The following NLRP7 variants were observed in gnomAD, a reference collection of about 807,000 sequenced individuals.
The protein encoded by NLRP7 is NACHT, LRR and PYD domains-containing protein 7.
In NLRP7, 72 loss-of-function variants were observed where a neutral mutation model predicts 85.5. That is an observed-to-expected ratio of 0.84 (90% CI 0.70 to 1.02). The LOEUF (loss-of-function observed/expected upper bound fraction) is 1.02. NLRP7 is among the 50% of genes least tolerant of loss of function. NLRP7 has a pLI of 0.00. For synonymous variants in NLRP7, 550 were observed against 505.2 expected (o/e 1.09, Z -1.19); for missense variants, 1,243 against 1,219.5 (o/e 1.02, Z -0.29).
Position 54,939,828 on chromosome 19 carries a change from C to A in NLRP7, c.991G>T (p.Ala331Ser), listed in dbSNP as rs761514358. Residue 331 changes from alanine (A) to serine (S), a missense_variant, in exon 4 of 10, where the codon GCC becomes TCC. Physicochemically the swap from Ala to Ser is moderately conservative, Grantham distance 99 (BLOSUM62 1). This residue lies in a region of NLRP7 where 591 missense variants were observed against 563.3 expected (regional missense o/e 1.05). Transcript: ENST00000340844. ...TCTCCAAAGTGTCTCAGGAAATAGG[C>A]CCTCCTGTCCTCCTCCAGGAAGCCC... The A allele has an allele frequency of 3.7e-6, 6 of 1,613,992 alleles. No individual in the cohort carries two copies. The Admixed American group carries it at 1.0e-4, about 27-fold the overall frequency.
At chr19:54,939,841 C>A in exon 4 of NLRP7, 1 of 1,614,054 alleles carries the variant, frequency 6.2e-7, no homozygotes, top group Non-Finnish European at 8.5e-7. Flanking sequence ...TCCTGTCCTC[C>A]TCCAGGAAGC....
At chr19:54,943,951 T>A (rs1416356300) in intron 1 of NLRP7, among the ~76,000 whole-genome samples, 1 of 152,118 alleles carries the variant, frequency 6.6e-6, no homozygotes, top group Non-Finnish European at 1.5e-5. Context: ...AACAGATGCT[T>A]GAAGGCAGCA....
Position 54,939,543 on chromosome 19 carries a change from G to A in NLRP7, c.1276C>T (p.Gln426Ter), listed in dbSNP as rs748114704. The change falls in exon 4 of 10, where the codon CAG becomes TAG. Residue 426 changes from glutamine (Q) to a stop codon, truncating the protein, a stop_gained. Transcript: ENST00000340844. LOFTEE classifies it high-confidence loss of function. ...TCCTCTCGGTGGAACACGGACATCT[G>A]CGCCCACAGGCCCTGCGCGGCCAGG... 2 of 1,613,030 alleles carry A rather than the reference G, an allele frequency of 1.2e-6. No individual in the cohort carries two copies. Among genetic ancestry groups the A allele is most frequent in the Non-Finnish European group, 1.7e-6 (2 of 1,179,736 alleles).
At chr19:54,958,077 T>C (rs939717867) in intron 1 of NLRP7, among the ~76,000 whole-genome samples, 5 of 151,920 alleles carry the variant, frequency 3.3e-5, no homozygotes, top group African/African-American at 1.2e-4. Context: ...TAGCTTGGTA[T>C]GGTGGCAGGA....
chr19:54,954,567 G>A (rs113963947), intron 1 of NLRP7, among the ~76,000 whole-genome samples: 12,567 of 147,332 alleles, frequency 0.085, 603 homozygotes, highest in Middle Eastern at 0.11. Context: ...AACCGAGGCC[G>A]GACGTGGTGG....
chr19:54,941,809 T>C, intron 1 of NLRP7, 59 bp from the exon 2 acceptor site: 1 of 1,279,296 alleles, frequency 7.8e-7, no homozygotes, highest in South Asian at 1.5e-5. Flanking sequence ...AAACCACAGT[T>C]TCCTGTGTGC....
At chr19:54,944,575 A>T (rs2069384397) in intron 1 of NLRP7, among the ~76,000 whole-genome samples, 1 of 151,900 alleles carries the variant, frequency 6.6e-6, no homozygotes, top group African/African-American at 2.4e-5. Context: ...CTTTCTGTGT[A>T]CTTTGTCTCT....
chr19:54,955,968 A>AAAAT lies in NLRP7; in HGVS notation c.-76-8467_-76-8464dup, dbSNP rs138037990. On this transcript the variant is annotated intron_variant, in intron 1 of 2. Transcript: ENST00000587103. ...GATGACAGAGCAAGACTGTGTCTCA[A>AAAAT]AAATAAATAAATAAATAAATAAATA... Among the ~76,000 whole-genome samples, 310 of 151,804 alleles carry AAAAT rather than the reference A, an allele frequency of 2.0e-3. 1 individual carries two copies. Among genetic ancestry groups the AAAAT allele is most frequent in the African/African-American group, 5.5e-3 (226 of 41,364 alleles).
At chr19:54,950,833 T>G (rs1363860283), upstream of NLRP7, among the ~76,000 whole-genome samples, 4 of 152,194 alleles carry the variant, frequency 2.6e-5, no homozygotes, top group African/African-American at 7.2e-5. Context: ...GACCCTTTAC[T>G]GGTGTCGGGC....
chr19:54,930,664 A>C lies in NLRP7; in HGVS notation c.2645T>G (p.Leu882Ter). ...AAGCTTGGTTATGCTGCATTGCTGT[A>C]ACCTACAGGATAATCAAAGGAAGAG... is the stretch of plus-strand genomic sequence containing the variant. Residue 882 changes from leucine to a stop codon, truncating the protein, a stop_gained and splice_region_variant, in exon 9 of 10, where the codon TTA becomes TGA. Transcript: ENST00000340844. LOFTEE classifies it high-confidence loss of function. 1.2e-6 allele frequency: 2 copies of C among 1,613,294 alleles called. No individual in the cohort carries two copies. Among genetic ancestry groups the C allele is most frequent in the Non-Finnish European group, 1.7e-6 (2 of 1,179,332 alleles).
upstream of NLRP7, chr19:54,947,640 C>T: frequency 1.6e-6 from 2 of 1,289,446 alleles, no homozygotes; most frequent in Non-Finnish European, 2.0e-6. Flanking sequence ...ACCTCAGGCT[C>T]ACCTTGACAT....
intron 9 of NLRP7, among the ~76,000 whole-genome samples, chr19:54,927,088 A>G (rs1003479197): frequency 1.5e-5 from 2 of 137,826 alleles, no homozygotes; most frequent in Non-Finnish European, 3.2e-5. Context: ...ACTCCATCCC[A>G]AAAAGCAAAA....
At chr19:54,924,014 C>G (rs2068331206) in intron 9 of NLRP7, 142 bp from the exon 11 acceptor site, 1 of 896,420 alleles carries the variant, frequency 1.1e-6, no homozygotes, top group African/African-American at 1.7e-5. Context: ...GTTGCCCAGG[C>G]TGGGGTACAG....
At chr19:54,959,824 T>C (rs2069978803) in intron 1 of NLRP7, among the ~76,000 whole-genome samples, 1 of 151,928 alleles carries the variant, frequency 6.6e-6, no homozygotes, top group Non-Finnish European at 1.5e-5. Context: ...CAGCTTCATT[T>C]TACCCAACTG....
At chr19:54,940,281 C>T (rs771141227) in exon 4 of NLRP7, 36 of 1,613,982 alleles carry the variant, frequency 2.2e-5, no homozygotes, top group South Asian at 9.9e-5. Flanking sequence ...CCCACGCCTG[C>T]GGGGCCGTGC....
Position 54,933,749 on chromosome 19 carries a change from T to C in NLRP7, c.2472-10A>G, listed in dbSNP as rs2068774152. The C allele has an allele frequency of 1.2e-6, 2 of 1,612,860 alleles. No homozygotes were observed. Among genetic ancestry groups the C allele is most frequent in the East Asian group, 2.2e-5 (1 of 44,868 alleles). ...ACGACAGTTTTCCAACCTGCAAAAATATGAAACAAATGGTAGAAGGATGAG... is the reference window on the plus strand; with the variant it reads ...ACGACAGTTTTCCAACCTGCAAAAACATGAAACAAATGGTAGAAGGATGAG... On this transcript the variant is annotated splice_polypyrimidine_tract_variant and intron_variant, in intron 7 of 9. Transcript: ENST00000340844.
Position 54,958,407 on chromosome 19 carries a change from C to T in NLRP7, c.-77+7633G>A, listed in dbSNP as rs146346975. ...CTCTAATCCCAGCACTTTGGGACGCCGAGGTGGGCGAATCACAAGGTCAGG... is the reference window on the plus strand; with the variant it reads ...CTCTAATCCCAGCACTTTGGGACGCTGAGGTGGGCGAATCACAAGGTCAGG... On this transcript the variant is annotated intron_variant, in intron 1 of 2. Transcript: ENST00000587103. Among the ~76,000 whole-genome samples, 780 of 149,828 alleles carry T rather than the reference C, an allele frequency of 5.2e-3. 6 individuals carry two copies. Among genetic ancestry groups the T allele is most frequent in the African/African-American group, 0.019 (751 of 39,992 alleles).
intron 1 of NLRP7, among the ~76,000 whole-genome samples, chr19:54,962,488 C>G (rs2070079625): frequency 6.6e-6 from 1 of 151,530 alleles, no homozygotes; most frequent in African/African-American, 2.4e-5. Context: ...TCAGGCTGAT[C>G]TCGAACTCCT....
chr19:54,930,588 G>A lies in NLRP7; in HGVS notation c.2721C>T (p.Asn907=), dbSNP rs61750468. The A allele has an allele frequency of 1.5e-3, 2,449 of 1,611,988 alleles. 37 individuals are homozygous for A. The African/African-American group carries it at 0.028, about 18-fold the overall frequency. The change falls in exon 9 of 10, where the codon AAC becomes AAT. Residue 907 remains asparagine, a synonymous_variant. Coordinates refer to ENST00000340844, the Ensembl canonical transcript of NLRP7. ...CTATCTGGTTGATACTCAAGTCCAG[G>A]TTTGTGAGGCTGCAGGCTTCTTGGA...
Sources: allele counts gnomAD v4.1 joint callset (sites outside exome capture counted in the v4.1 genomes callset), GRCh38; gene constraint gnomAD v4.1.1; regional missense constraint gnomAD v4.1.1; transcripts MANE v1.5; gene names NCBI Gene and HGNC (gene_info 2026-07-23, HGNC 2026-07-21).